Variants in BCAS3 observed in about 807,000 individuals in gnomAD.
BCAS3 encodes BCAS4/BCAS3 fusion.
In BCAS3, 53 loss-of-function variants were observed where a neutral mutation model predicts 116.1. That is an observed-to-expected ratio of 0.46 (90% CI 0.37 to 0.57). The LOEUF (loss-of-function observed/expected upper bound fraction) is 0.57, where lower values mean the gene tolerates loss of function less well. Ranked by LOEUF, BCAS3 falls within the 20% of genes least tolerant of loss-of-function variation. The pLI is 0.00. For synonymous variants in BCAS3, 391 were observed against 408.2 expected (o/e 0.96, Z 0.51); for missense variants, 917 against 1,165.4 (o/e 0.79, Z 3.10).
At chr17:61,045,843 CTCTCTCTATA>C (rs1170496518) in intron 19 of BCAS3, among the ~76,000 whole-genome samples, 1 of 5,358 alleles carries the variant, frequency 1.9e-4, no homozygotes, top group African/African-American at 6.6e-4. Flanking sequence ...CTCTCTCTCT[CTCTCTCTATA>C]TATATATATA....
chr17:60,747,402 C>A, intron 6 of BCAS3, 123 bp downstream of exon 6: 1 of 706,256 alleles, frequency 1.4e-6, no homozygotes, highest in South Asian at 2.0e-5. Flanking sequence ...TTCCCCTTCC[C>A]CACCTCCCCC....
chr17:61,147,418 T>C (rs2077287680), intron 22 of BCAS3, among the ~76,000 whole-genome samples: 1 of 151,904 alleles, frequency 6.6e-6, no homozygotes, highest in South Asian at 2.1e-4. Flanking sequence ...GAGAGGGGGT[T>C]TCACCAGGTT....
rs1007981355 is a variant in BCAS3, at chr17:61,156,745, A to G, written c.2425+72181A>G. 2.0e-5 allele frequency among the ~76,000 whole-genome samples: 3 copies of G among 152,228 alleles called. No homozygotes were observed. Among genetic ancestry groups the G allele is most frequent in the Non-Finnish European group, 4.4e-5 (3 of 68,040 alleles). ...AATTGTTTCTATCCTGCTATAAACC[A>G]TAAGTAACTCCTAAAAAAATTCACA... On this transcript the variant is annotated intron_variant, in intron 22 of 23. Coordinates refer to ENST00000407086, the MANE Select transcript of BCAS3 (RefSeq NM_017679.5). This position sits in a 1 kb window ranked among gnomAD's most constrained non-coding sequence, Gnocchi z 4.7.
intron 13 of BCAS3, among the ~76,000 whole-genome samples, chr17:60,938,112 T>C (rs1032498342): frequency 1.3e-5 from 2 of 152,040 alleles, no homozygotes; most frequent in African/African-American, 4.8e-5. Flanking sequence ...GCCAGGATGG[T>C]CTCAATCTCC....
intron 5 of BCAS3, among the ~76,000 whole-genome samples, chr17:60,723,257 G>A (rs1305885533): frequency 6.6e-6 from 1 of 151,856 alleles, no homozygotes; most frequent in Admixed American, 6.6e-5. Flanking sequence ...ATGGAGTCTT[G>A]CTCTGTTGCC....
At chr17:60,694,190 ATTTT>A (rs1378175267) in intron 4 of BCAS3, among the ~76,000 whole-genome samples, 175 of 148,642 alleles carry the variant, frequency 1.2e-3, no homozygotes, top group African/African-American at 4.3e-3. Context: ...CCGGCCAAAC[ATTTT>A]AATTTTTAAA....
At chr17:60,953,669 A>C (rs963937388) in intron 14 of BCAS3, among the ~76,000 whole-genome samples, 1 of 150,492 alleles carries the variant, frequency 6.6e-6, no homozygotes, top group Non-Finnish European at 1.5e-5. Flanking sequence ...GGTATTGCCT[A>C]GGTTGTCTTC....
intron 22 of BCAS3, among the ~76,000 whole-genome samples, chr17:61,154,437 ATTTT>A (rs375714479): frequency 7.1e-6 from 1 of 141,486 alleles, no homozygotes; most frequent in Non-Finnish European, 1.6e-5. Context: ...AGCACAAGCA[ATTTT>A]TTTTTTTTTT....
intron 10 of BCAS3, among the ~76,000 whole-genome samples, chr17:60,898,223 AAT>A (rs775650790): frequency 1.9e-4 from 29 of 152,162 alleles, no homozygotes; most frequent in Non-Finnish European, 3.2e-4. Flanking sequence ...TTTTGATTAG[AAT>A]CTGGCTGGAG....
Position 61,379,842 on chromosome 17 carries a change from A to T in BCAS3, c.2593+11348A>T, listed in dbSNP as rs1004492. On this transcript the variant is annotated intron_variant, in intron 23 of 23. Transcript: ENST00000407086. The surrounding 1 kb of genome is among the most constrained non-coding windows in gnomAD (Gnocchi z 5.5). ...TTGTTCAGGATGACTTTTCCATTCC[A>T]CGCCCGCTGTGTTCGTTTTCCTGGA... The T allele has an allele frequency of 2.0e-5, 3 of 152,826 alleles. No homozygotes were observed. Among genetic ancestry groups the T allele is most frequent in the Non-Finnish European group, 4.4e-5 (3 of 68,652 alleles). The allele number at this position is 152,826 out of a possible 1,614,324, so 9.5% of individuals were successfully genotyped here. A position where few individuals can be genotyped will look rare whatever the true frequency, so the allele number is the denominator to read the frequency against.
rs142262821 is a variant in BCAS3, at chr17:61,248,437, AG to A, written c.2426-119889del. Among the ~76,000 whole-genome samples the A allele has an allele frequency of 0.029, 4,366 of 152,334 alleles. 130 individuals carry two copies. Among genetic ancestry groups the A allele is most frequent in the African/African-American group, 0.074 (3,073 of 41,570 alleles). On this transcript the variant is annotated intron_variant, in intron 22 of 23. Transcript: ENST00000407086. The surrounding 1 kb of genome is among the most constrained non-coding windows in gnomAD (Gnocchi z 4.3). ...GCAACCCATTTCTCAGGTCTTTCAA[AG>A]AAAACAACTCGTAAAGATACTGGCA...
intron 19 of BCAS3, among the ~76,000 whole-genome samples, chr17:61,066,092 T>G (rs2070584249): frequency 6.6e-6 from 1 of 152,212 alleles, no homozygotes; most frequent in Non-Finnish European, 1.5e-5. Flanking sequence ...AGCAGATTTC[T>G]CTGATAGTGA....
rs771742994 is a variant in BCAS3 at position 60,990,188 on chromosome 17, G to A, written c.1439G>A (p.Ser480Asn). The stretch of plus-strand genomic sequence containing the variant: ...ACGTCTAAGCAAGGAGGTCGCTGTA[G>A]CCCTGTTCCAGGTCTATCAAGCAGC... ...ELTSKQGGRCSPVPGLSSSPS... is the reference protein window; with the variant it reads ...ELTSKQGGRCNPVPGLSSSPS... The change falls in exon 15 of 24, where the codon AGC (serine) becomes AAC (asparagine). Residue 480 changes from serine to asparagine, a missense_variant. By Grantham distance (46) the Ser-to-Asn change is conservative. Coordinates refer to ENST00000407086, the MANE Select transcript of BCAS3 (RefSeq NM_017679.5). This position sits in a 1 kb window ranked among gnomAD's most constrained non-coding sequence, Gnocchi z 5.1. 5.6e-6 allele frequency: 9 copies of A among 1,614,038 alleles called. No homozygotes were observed. The highest frequency in any genetic ancestry group is 7.6e-6 in the Non-Finnish European group (9 of 1,180,036).
chr17:60,712,248 C>G (rs891081007), intron 5 of BCAS3, among the ~76,000 whole-genome samples: 3 of 151,222 alleles, frequency 2.0e-5, no homozygotes, highest in African/African-American at 7.3e-5. Flanking sequence ...TAGTGGCATG[C>G]GCCTGTGGTT....
At chr17:61,328,237 G>A (rs2055898592) in intron 22 of BCAS3, among the ~76,000 whole-genome samples, 1 of 151,972 alleles carries the variant, frequency 6.6e-6, no homozygotes, top group Admixed American at 6.6e-5. Flanking sequence ...ATCCTATAGA[G>A]AAAGAAAAAA....
intron 7 of BCAS3, among the ~76,000 whole-genome samples, chr17:60,834,558 C>G (rs1167998982): frequency 1.3e-5 from 2 of 151,960 alleles, no homozygotes; most frequent in Non-Finnish European, 1.5e-5. Context: ...GGTAGATTAT[C>G]AAGTTTTAAG....
chr17:60,876,302 A>G (rs1397052377), intron 9 of BCAS3, among the ~76,000 whole-genome samples: 8 of 151,970 alleles, frequency 5.3e-5, no homozygotes, highest in Non-Finnish European at 1.5e-5. Flanking sequence ...TGAACCTCTC[A>G]TTATTCTCAT....
intron 13 of BCAS3, among the ~76,000 whole-genome samples, chr17:60,934,887 A>T (rs1010759795): frequency 6.6e-6 from 1 of 152,162 alleles, no homozygotes; most frequent in Admixed American, 6.5e-5. Context: ...GGCTGGGTGC[A>T]GTGACTCATA....
At chr17:61,329,210 C>G (rs963932667) in intron 22 of BCAS3, among the ~76,000 whole-genome samples, 1 of 151,144 alleles carries the variant, frequency 6.6e-6, no homozygotes, top group Non-Finnish European at 1.5e-5. Context: ...CTAAGGGCAC[C>G]GATCCTATCA....
Sources: allele counts gnomAD v4.1 joint callset (sites outside exome capture counted in the v4.1 genomes callset), GRCh38; gene constraint gnomAD v4.1.1; non-coding constraint Gnocchi (gnomAD v3.1); transcripts MANE v1.5; gene names NCBI Gene and HGNC (gene_info 2026-07-23, HGNC 2026-07-21).